NRG3: variants seen among roughly 807,000 people sequenced by gnomAD.
The protein encoded by NRG3 is pro-neuregulin-3, membrane-bound isoform.
Under a neutral mutation model 66.9 loss-of-function variants are expected in NRG3, and 31 were observed. The observed-to-expected ratio is 0.46, with a 90% confidence interval of 0.35 to 0.63. The LOEUF (loss-of-function observed/expected upper bound fraction) is 0.63. NRG3 is among the 20% of genes least tolerant of loss of function. NRG3 has a pLI of 0.00. For missense variants in NRG3, 910 were observed against 878.9 expected (o/e 1.04, Z -0.45); for synonymous variants, 393 against 359.4 (o/e 1.09, Z -1.06).
At chr10:82,372,321 T>G (rs77128357) in intron 2 of NRG3, among the ~76,000 whole-genome samples, 2,167 of 152,280 alleles carry the variant, frequency 0.014, 47 homozygotes, top group African/African-American at 0.048. Context: ...CTTTCTGGAT[T>G]ATTTTTTCTC....
At position 82,038,309 on chromosome 10, in the gene NRG3, T is replaced by G. The variant is rs1421445749; in HGVS notation, c.823+162146T>G. On this transcript the variant is annotated intron_variant, in intron 1 of 8. Coordinates refer to ENST00000372141, the MANE Select transcript of NRG3 (RefSeq NM_001010848.4). ...TTTACTGTCTATACACGGGATCACA[T>G]GTTAATAGTACCAACTGTCCTGAGC... Among the ~76,000 whole-genome samples, 3 of 152,268 alleles carry G rather than the reference T, an allele frequency of 2.0e-5. No individual in the cohort carries two copies. The East Asian group carries it at 5.8e-4, about 30-fold the overall frequency.
chr10:82,679,422 C>A (rs1407776911), intron 2 of NRG3, among the ~76,000 whole-genome samples: 1 of 152,106 alleles, frequency 6.6e-6, no homozygotes, highest in Non-Finnish European at 1.5e-5. Context: ...ATAAGAATTT[C>A]TGGTATCTAA....
intron 2 of NRG3, among the ~76,000 whole-genome samples, chr10:82,633,264 G>A (rs2049968999): frequency 6.6e-6 from 1 of 152,122 alleles, no homozygotes; most frequent in African/African-American, 2.4e-5. Flanking sequence ...TAAGTACCTG[G>A]CATAGGAAAA....
intron 1 of NRG3, among the ~76,000 whole-genome samples, chr10:82,218,466 C>A (rs2075791523): frequency 6.6e-6 from 1 of 152,192 alleles, no homozygotes; most frequent in African/African-American, 2.4e-5. Context: ...CCATGGAGGA[C>A]ACACTCTGTG....
At chr10:81,960,918 C>T (rs574046139) in intron 1 of NRG3, among the ~76,000 whole-genome samples, 2 of 152,042 alleles carry the variant, frequency 1.3e-5, no homozygotes, top group Admixed American at 1.3e-4. Context: ...TGCCTCCAAG[C>T]CTATCCTTGT....
chr10:82,794,636 G>A (rs1001833723), intron 3 of NRG3, among the ~76,000 whole-genome samples: 1 of 152,154 alleles, frequency 6.6e-6, no homozygotes, highest in Admixed American at 6.6e-5. Context: ...GTACCTAAGA[G>A]CTGGGCTTGG....
At chr10:82,338,666 G>T (rs1048699236) in intron 1 of NRG3, among the ~76,000 whole-genome samples, 1 of 152,174 alleles carries the variant, frequency 6.6e-6, no homozygotes, top group South Asian at 2.1e-4. Flanking sequence ...ATAAATATGT[G>T]CTGACTTATT....
intron 1 of NRG3, among the ~76,000 whole-genome samples, chr10:82,224,776 T>A (rs190636675): frequency 6.6e-6 from 1 of 152,246 alleles, no homozygotes; most frequent in African/African-American, 2.4e-5. Flanking sequence ...AAAAAGTATC[T>A]GATAAAAATT....
chr10:82,315,658 A>G (rs1385486462), intron 1 of NRG3, among the ~76,000 whole-genome samples: 6 of 147,928 alleles, frequency 4.1e-5, no homozygotes, highest in African/African-American at 1.5e-4. Context: ...AGAATCATAT[A>G]CGTTTGTTGT....
chr10:82,592,208 G>A (rs982248349), intron 2 of NRG3, among the ~76,000 whole-genome samples: 2 of 152,132 alleles, frequency 1.3e-5, no homozygotes, highest in African/African-American at 4.8e-5. Flanking sequence ...GTAAAGCAGT[G>A]GGCAGGAAGA....
intron 1 of NRG3, among the ~76,000 whole-genome samples, chr10:81,982,529 A>G (rs2060367142): frequency 6.6e-6 from 1 of 152,180 alleles, no homozygotes; most frequent in South Asian, 2.1e-4. Context: ...CCATAACAAA[A>G]TACCACAGAC....
intron 1 of NRG3, among the ~76,000 whole-genome samples, chr10:82,134,224 T>A (rs1213445999): frequency 6.6e-6 from 1 of 152,206 alleles, no homozygotes; most frequent in South Asian, 2.1e-4. Context: ...TTGTTTACTC[T>A]GTTGAAAGTT....
intron 2 of NRG3, among the ~76,000 whole-genome samples, chr10:82,659,997 A>G (rs2133953689): frequency 6.6e-6 from 1 of 151,810 alleles, no homozygotes; most frequent in Non-Finnish European, 1.5e-5. Flanking sequence ...GGAGTTCAAG[A>G]CCAGCCTGGC....
At chr10:82,082,994 C>T (rs1384938660) in intron 1 of NRG3, among the ~76,000 whole-genome samples, 1 of 151,324 alleles carries the variant, frequency 6.6e-6, no homozygotes, top group Non-Finnish European at 1.5e-5. Flanking sequence ...GGCTAGGGTG[C>T]AGTGGTACAA....
At chr10:82,389,832 G>C (rs1228993342) in intron 2 of NRG3, among the ~76,000 whole-genome samples, 1 of 152,176 alleles carries the variant, frequency 6.6e-6, no homozygotes, top group Non-Finnish European at 1.5e-5. Context: ...CACATGTAGA[G>C]TCTGACTTTA....
At chr10:82,447,520 G>T (rs1200438327) in intron 2 of NRG3, among the ~76,000 whole-genome samples, 2 of 152,174 alleles carry the variant, frequency 1.3e-5, no homozygotes, top group Non-Finnish European at 2.9e-5. Flanking sequence ...CACTTTAAAT[G>T]TTGCTTTTCT....
intron 2 of NRG3, among the ~76,000 whole-genome samples, chr10:82,423,372 C>T (rs768477614): frequency 5.9e-5 from 9 of 151,810 alleles, no homozygotes; most frequent in Non-Finnish European, 1.0e-4. Context: ...AGAACTGATC[C>T]ACTACATTGT....
At chr10:82,129,870 T>C (rs1031793015) in intron 1 of NRG3, among the ~76,000 whole-genome samples, 4 of 152,160 alleles carry the variant, frequency 2.6e-5, no homozygotes, top group African/African-American at 9.7e-5. Context: ...CTAGTTATTT[T>C]TAAATGTGTA....
intron 2 of NRG3, among the ~76,000 whole-genome samples, chr10:82,729,710 T>C (rs1337672884): frequency 6.6e-6 from 1 of 152,156 alleles, no homozygotes; most frequent in Non-Finnish European, 1.5e-5. Context: ...CAAGAACAAA[T>C]GTGTCATAAT....
Sources: allele counts gnomAD v4.1 joint callset (sites outside exome capture counted in the v4.1 genomes callset), GRCh38; gene constraint gnomAD v4.1.1; transcripts MANE v1.5; gene names NCBI Gene and HGNC (gene_info 2026-07-23, HGNC 2026-07-21).